LY6S: variants seen among roughly 807,000 people sequenced by gnomAD.
LY6S encodes the protein lymphocyte antigen 6 family member S.
chr8:143,058,926 G>T, the LY6S span, among the ~76,000 whole-genome samples: 1 of 152,182 alleles, frequency 6.6e-6, no homozygotes, highest in South Asian at 2.1e-4. Context: ...TCTCTGTATG[G>T]CCTGGTTTTT....
chr8:143,044,856 C>T, the LY6S span: 7 of 1,317,826 alleles, frequency 5.3e-6, no homozygotes, highest in Non-Finnish European at 7.0e-6. Flanking sequence ...TACACCAATG[C>T]CCTGGTGAGA....
chr8:143,052,636 G>A, the LY6S span, among the ~76,000 whole-genome samples: 136 of 152,108 alleles, frequency 8.9e-4, 3 homozygotes, highest in Admixed American at 5.2e-4. Context: ...GGCATGTTTT[G>A]GCCTCCCCCG....
At chr8:143,046,503 G>A in the LY6S span, among the ~76,000 whole-genome samples, 6 of 151,426 alleles carry the variant, frequency 4.0e-5, no homozygotes, top group Non-Finnish European at 5.9e-5. Flanking sequence ...GCATGAACCC[G>A]GGAGGCAGAG....
At chr8:143,053,555 G>A in the LY6S span, 1 of 152,228 alleles carries the variant, frequency 6.6e-6, no homozygotes. Context: ...GCAGGATAGG[G>A]ATAGCAGCCC....
chr8:143,057,806 A>G, the LY6S span: 1 of 774,094 alleles, frequency 1.3e-6, no homozygotes, highest in East Asian at 2.4e-5. Flanking sequence ...AAAACCATCA[A>G]CAGCTAGACT....
chr8:143,062,868 T>C, the LY6S span, among the ~76,000 whole-genome samples: 1 of 152,202 alleles, frequency 6.6e-6, no homozygotes, highest in Non-Finnish European at 1.5e-5. Flanking sequence ...GTAATTTATC[T>C]GGAAATACTA....
chr8:143,050,016 C>T, the LY6S span, among the ~76,000 whole-genome samples: 47 of 151,552 alleles, frequency 3.1e-4, no homozygotes, highest in African/African-American at 9.0e-4. Flanking sequence ...AGAAACACCT[C>T]GTCCAGTTGT....
the LY6S span, among the ~76,000 whole-genome samples, chr8:143,068,110 GA>G: frequency 6.6e-6 from 1 of 152,140 alleles, no homozygotes; most frequent in East Asian, 1.9e-4. Context: ...TCAGTGGGGG[GA>G]AACCTTGGTC....
the LY6S span, chr8:143,044,290 A>G: frequency 2.2e-5 from 10 of 454,092 alleles, no homozygotes; most frequent in Non-Finnish European, 4.4e-5. Flanking sequence ...GGGTCCCCAG[A>G]GTAGCTACAG....
chr8:143,062,406 G>A, the LY6S span, among the ~76,000 whole-genome samples: 2 of 152,326 alleles, frequency 1.3e-5, no homozygotes, highest in East Asian at 1.9e-4. Context: ...GGTAGCTCAC[G>A]CCTGTAATCC....
the LY6S span, among the ~76,000 whole-genome samples, chr8:143,049,049 G>T: frequency 6.6e-6 from 1 of 152,050 alleles, no homozygotes. Context: ...GACTTCCAGC[G>T]CCCGTGAGAC....
At chr8:143,061,261 TAAA>T in the LY6S span, among the ~76,000 whole-genome samples, 1 of 142,196 alleles carries the variant, frequency 7.0e-6, no homozygotes. Flanking sequence ...CCCTGTCTCT[TAAA>T]AAAAAAAAAA....
At chr8:143,072,507 G>A in the LY6S span, among the ~76,000 whole-genome samples, 2 of 107,112 alleles carry the variant, frequency 1.9e-5, no homozygotes, top group South Asian at 6.0e-4. Context: ...GGAGACAGCC[G>A]TCGTCCTCGG....
chr8:143,064,281 T>C, the LY6S span, among the ~76,000 whole-genome samples: 1 of 152,250 alleles, frequency 6.6e-6, no homozygotes, highest in African/African-American at 2.4e-5. Context: ...GTGGCTGAGA[T>C]GGAAGCAGTT....
the LY6S span, among the ~76,000 whole-genome samples, chr8:143,048,571 G>A: frequency 2.3e-4 from 34 of 150,194 alleles, no homozygotes; most frequent in Non-Finnish European, 4.4e-4. Flanking sequence ...TGGTTCAAGC[G>A]ATTCTCCCGC....
chr8:143,054,400 A>G, the LY6S span: 3 of 151,672 alleles, frequency 2.0e-5, no homozygotes, highest in Non-Finnish European at 2.9e-5. Context: ...ACTACCATCC[A>G]ACTCTACCAT....
chr8:143,046,318 C>T, the LY6S span, among the ~76,000 whole-genome samples: 309 of 152,256 alleles, frequency 2.0e-3, no homozygotes, highest in Non-Finnish European at 3.0e-3. Context: ...TGGCTCACGC[C>T]TGTGATCCCA....
At chr8:143,044,261 C>A in the LY6S span, 1 of 456,118 alleles carries the variant, frequency 2.2e-6, no homozygotes, top group Non-Finnish European at 4.4e-6. Context: ...GAAGTGGGGA[C>A]AAGGGGCAGA....
the LY6S span, among the ~76,000 whole-genome samples, chr8:143,052,895 ACCCT>A: frequency 6.6e-6 from 1 of 152,012 alleles, no homozygotes; most frequent in Non-Finnish European, 1.5e-5. Context: ...CTTATGGGAG[ACCCT>A]CCCTCACCTT....
Sources: gnomAD v4.1 joint callset for allele counts (sites outside exome capture counted in the v4.1 genomes callset) on GRCh38, gnomAD v4.1.1 for gene constraint, MANE v1.5 for transcripts, NCBI Gene and HGNC (gene_info 2026-07-23, HGNC 2026-07-21) for gene names.